TAFA2: variants seen among roughly 807,000 people sequenced by gnomAD.
TAFA2 encodes the protein TAFA chemokine like family member 2.
A neutral mutation model predicts 18.8 loss-of-function variants in TAFA2; 7 were observed. The observed-to-expected ratio is 0.37, with a 90% CI of 0.21 to 0.70. The LOEUF is 0.70. Among genes scored for constraint, TAFA2 ranks in the 30% least tolerant of loss-of-function variants. The pLI is 0.53. For missense variants in TAFA2, 122 were observed against 158.1 expected (o/e 0.77, Z 1.23); for synonymous variants, 60 against 54.2 (o/e 1.11, Z -0.47).
chr12:61,842,852 G>A (rs1466053409), intron 2 of TAFA2, among the ~76,000 whole-genome samples: 2 of 152,028 alleles, frequency 1.3e-5, no homozygotes, highest in Non-Finnish European at 2.9e-5. Flanking sequence ...ACATTTAGTA[G>A]GGCAATCAAA....
intron 1 of TAFA2, among the ~76,000 whole-genome samples, chr12:62,006,980 T>C (rs1346270330): frequency 6.6e-6 from 1 of 152,228 alleles, no homozygotes; most frequent in African/African-American, 2.4e-5. Context: ...ATATATTTCT[T>C]TTTATGAGGT....
intron 1 of TAFA2, among the ~76,000 whole-genome samples, chr12:61,932,378 A>C (rs749612782): frequency 6.6e-6 from 1 of 152,190 alleles, no homozygotes; most frequent in Non-Finnish European, 1.5e-5. Context: ...CTGAGAAAAG[A>C]AATCACTCGA....
chr12:61,799,716 G>T (rs1180773912), intron 2 of TAFA2, among the ~76,000 whole-genome samples: 7 of 152,138 alleles, frequency 4.6e-5, no homozygotes, highest in African/African-American at 1.4e-4. Context: ...CAGCTACTCG[G>T]GAGGCTGAGG....
At chr12:62,101,704 C>A (rs979516288) in intron 1 of TAFA2, among the ~76,000 whole-genome samples, 4 of 152,100 alleles carry the variant, frequency 2.6e-5, no homozygotes, top group African/African-American at 9.7e-5. Context: ...ATTTGAGAGC[C>A]CTTTCATTTA....
At chr12:62,243,363 G>A (rs965475861) in intron 1 of TAFA2, among the ~76,000 whole-genome samples, 1 of 152,154 alleles carries the variant, frequency 6.6e-6, no homozygotes, top group Non-Finnish European at 1.5e-5. Context: ...ATTTATAAAT[G>A]CATGTTATGT....
At chr12:61,714,129 A>G (rs1020870511) in intron 4 of TAFA2, among the ~76,000 whole-genome samples, 19 of 152,264 alleles carry the variant, frequency 1.2e-4, no homozygotes, top group African/African-American at 4.3e-4. Context: ...ATGAATGCAC[A>G]CTATCTTCTT....
intron 1 of TAFA2, among the ~76,000 whole-genome samples, chr12:62,094,229 G>A (rs902389069): frequency 5.3e-5 from 8 of 152,054 alleles, no homozygotes; most frequent in South Asian, 4.1e-4. Context: ...GCCTCACTCC[G>A]GAATGGAAAA....
At chr12:62,190,929 C>G (rs1198723569) in intron 1 of TAFA2, among the ~76,000 whole-genome samples, 1 of 152,156 alleles carries the variant, frequency 6.6e-6, no homozygotes, top group Non-Finnish European at 1.5e-5. Flanking sequence ...CAACCCACTT[C>G]AATCCTCGAC....
chr12:62,163,349 G>C (rs10877804), intron 1 of TAFA2, among the ~76,000 whole-genome samples: 17,600 of 152,054 alleles, frequency 0.12, 1,459 homozygotes, highest in East Asian at 0.33. Flanking sequence ...TTAGGAGCTG[G>C]GTTTTTGTTT....
intron 1 of TAFA2, among the ~76,000 whole-genome samples, chr12:61,931,074 G>A (rs1007236842): frequency 6.6e-6 from 1 of 152,138 alleles, no homozygotes; most frequent in African/African-American, 2.4e-5. Context: ...AAGAAATTGC[G>A]CTGTTCAAGT....
At chr12:61,792,535 A>G (rs934747388) in intron 2 of TAFA2, among the ~76,000 whole-genome samples, 2 of 151,614 alleles carry the variant, frequency 1.3e-5, no homozygotes, top group African/African-American at 4.8e-5. Context: ...TGTCATTAAA[A>G]TTTTTTAAAA....
intron 1 of TAFA2, among the ~76,000 whole-genome samples, chr12:61,902,590 G>A (rs747414729): frequency 4.6e-5 from 7 of 152,028 alleles, no homozygotes; most frequent in Admixed American, 2.6e-4. Flanking sequence ...TTGCTCTTCC[G>A]GCTGACCTCT....
At chr12:62,185,350 C>T (rs1320477401) in intron 1 of TAFA2, among the ~76,000 whole-genome samples, 1 of 152,134 alleles carries the variant, frequency 6.6e-6, no homozygotes, top group Non-Finnish European at 1.5e-5. Context: ...AAATGTGGAT[C>T]GTCTACCTCT....
intron 1 of TAFA2, among the ~76,000 whole-genome samples, chr12:62,075,503 C>T (rs575121483): frequency 1.3e-5 from 2 of 152,140 alleles, no homozygotes; most frequent in Non-Finnish European, 2.9e-5. Flanking sequence ...AGACTCTCTC[C>T]CCCTTCTCAC....
At chr12:61,949,766 A>G (rs1254259285) in intron 1 of TAFA2, among the ~76,000 whole-genome samples, 1 of 152,118 alleles carries the variant, frequency 6.6e-6, no homozygotes, top group Non-Finnish European at 1.5e-5. Flanking sequence ...TATTTCATGT[A>G]CTTTTATTCT....
At position 61,896,986 on chromosome 12, in the gene TAFA2, T is replaced by C. The variant is rs376174462; in HGVS notation, c.-1-29560A>G. On this transcript the variant is annotated intron_variant, in intron 1 of 4. Coordinates refer to ENST00000416284, the MANE Select transcript of TAFA2 (RefSeq NM_178539.5). The stretch of plus-strand genomic sequence containing the variant: ...TTGAGGGTCCAGATGATCTCAAAAA[T>C]GACTGATTTCATGCAATATTACTTT... Among the ~76,000 whole-genome samples, 16 of 152,248 alleles carry C rather than the reference T, an allele frequency of 1.1e-4. 1 individual carries two copies. Among genetic ancestry groups the C allele is most frequent in the African/African-American group, 3.6e-4 (15 of 41,576 alleles).
At chr12:61,968,133 G>A (rs1347192262) in intron 1 of TAFA2, among the ~76,000 whole-genome samples, 1 of 151,794 alleles carries the variant, frequency 6.6e-6, no homozygotes, top group Non-Finnish European at 1.5e-5. Flanking sequence ...GAAATGGTGA[G>A]ATATATAGAC....
chr12:62,178,264 C>T (rs947610776), intron 1 of TAFA2, among the ~76,000 whole-genome samples: 1 of 152,038 alleles, frequency 6.6e-6, no homozygotes, highest in Non-Finnish European at 1.5e-5. Context: ...TGTACCTCTG[C>T]GCTCCAGCCT....
intron 1 of TAFA2, among the ~76,000 whole-genome samples, chr12:62,124,611 T>C (rs1175362947): frequency 1.3e-5 from 2 of 152,014 alleles, no homozygotes; most frequent in African/African-American, 2.4e-5. Context: ...AAACAAACCA[T>C]CAGACCAGAA....
Sources: allele counts gnomAD v4.1 joint callset (sites outside exome capture counted in the v4.1 genomes callset), GRCh38; gene constraint gnomAD v4.1.1; transcripts MANE v1.5; gene names NCBI Gene and HGNC (gene_info 2026-07-23, HGNC 2026-07-21).